Variants in RBX1 observed in about 807,000 individuals in gnomAD.
RBX1 encodes the protein ring-box 1.
For synonymous variants in RBX1, 48 were observed against 47.9 expected, an observed-to-expected ratio of 1.00 and a Z score of -0.01; for missense variants, 46 against 141.4, an observed-to-expected ratio of 0.33 and a Z score of 3.42.
chr22:40,961,056 G>A (rs906623297), intron 2 of RBX1, among the ~76,000 whole-genome samples: 1 of 147,404 alleles, frequency 6.8e-6, no homozygotes, highest in South Asian at 2.1e-4. Context: ...GAGCCACCAC[G>A]CCCGGCCGAG....
At chr22:40,972,118 G>A (rs1569046712) in intron 4 of RBX1, among the ~76,000 whole-genome samples, 1 of 152,208 alleles carries the variant, frequency 6.6e-6, no homozygotes, top group Admixed American at 6.6e-5. Flanking sequence ...AGTTCAAACT[G>A]TCTGAGCCCC....
At chr22:40,964,402 C>T (rs1397922387) in intron 3 of RBX1, 1 of 308,106 alleles carries the variant, frequency 3.2e-6, no homozygotes, top group Non-Finnish European at 6.2e-6. Context: ...TCAAAACCTA[C>T]ATGCACCCTT....
intron 2 of RBX1, among the ~76,000 whole-genome samples, chr22:40,954,449 T>G (rs1020177381): frequency 1.3e-5 from 2 of 152,144 alleles, no homozygotes; most frequent in African/African-American, 4.8e-5. Flanking sequence ...TCTCCACATA[T>G]TTTATTACAT....
chr22:40,953,689 A>G, intron 2 of RBX1, 56 bp downstream of exon 2: 3 of 1,233,970 alleles, frequency 2.4e-6, no homozygotes, highest in African/African-American at 1.5e-5. Flanking sequence ...GATTGTGGCT[A>G]TCTTGATGTG....
chr22:40,954,823 G>A (rs1476527939), intron 2 of RBX1, among the ~76,000 whole-genome samples: 1 of 151,508 alleles, frequency 6.6e-6, no homozygotes, highest in Non-Finnish European at 1.5e-5. Flanking sequence ...CTGAGATGGA[G>A]TCGCCCAGGT....
At chr22:40,967,924 G>C (rs545954533) in intron 4 of RBX1, 40 bp downstream of exon 4, 59 of 1,404,302 alleles carry the variant, frequency 4.2e-5, no homozygotes, top group Admixed American at 1.2e-4. Flanking sequence ...TTTTTGACTT[G>C]CCTCAGGCTG....
intron 4 of RBX1, among the ~76,000 whole-genome samples, chr22:40,969,017 A>C (rs1450399562): frequency 1.3e-5 from 2 of 151,754 alleles, no homozygotes; most frequent in African/African-American, 4.8e-5. Context: ...TATATTTTTT[A>C]AAAAGTCAGT....
At chr22:40,965,352 G>A (rs1426561718) in intron 3 of RBX1, among the ~76,000 whole-genome samples, 1 of 150,848 alleles carries the variant, frequency 6.6e-6, no homozygotes, top group East Asian at 1.9e-4. Context: ...AGGTGTTACT[G>A]TGTAGATGGT....
chr22:40,972,331 C>G, intron 4 of RBX1, 145 bp from the exon 5 acceptor site: 1 of 606,116 alleles, frequency 1.6e-6, no homozygotes, highest in Non-Finnish European at 3.0e-6. Flanking sequence ...GACAGCCAAG[C>G]TAGTGTCAGT....
chr22:40,951,938 CG>C lies in RBX1; in HGVS notation c.78+463del, dbSNP rs1170841867. On this transcript the variant is annotated intron_variant, in intron 1 of 4. Transcript: ENST00000216225. ...AGGACCCCCCTTGGTGATCTTGCTCCGCCCCTTTTTGAAGCTTGGGGTCCTC... is the reference window on the plus strand; with the variant it reads ...AGGACCCCCCTTGGTGATCTTGCTCCCCCCTTTTTGAAGCTTGGGGTCCTC... Among the ~76,000 whole-genome samples the C allele has an allele frequency of 2.6e-5, 4 of 151,730 alleles. No individual in the cohort carries two copies. In the East Asian group the frequency reaches 7.7e-4, roughly 29 times the overall value.
intron 3 of RBX1, among the ~76,000 whole-genome samples, chr22:40,965,090 G>A (rs1223320822): frequency 6.6e-6 from 1 of 152,156 alleles, no homozygotes; most frequent in Non-Finnish European, 1.5e-5. Context: ...GCATCATGAG[G>A]TCAGCAGATG....
chr22:40,967,628 C>G (rs2058357650), intron 3 of RBX1, 171 bp from the exon 4 acceptor site: 1 of 542,354 alleles, frequency 1.8e-6, no homozygotes. Flanking sequence ...TTGGAAATAC[C>G]CTTGCATCTA....
chr22:40,953,476 C>T, intron 1 of RBX1, 79 bp from the exon 2 acceptor site: 3 of 931,044 alleles, frequency 3.2e-6, no homozygotes, highest in Admixed American at 1.8e-5. Context: ...ATGATAACTG[C>T]AGCTGCAGCC....
At chr22:40,953,511 G>A (rs559599839) in intron 1 of RBX1, 44 bp from the exon 2 acceptor site, 10 of 1,251,384 alleles carry the variant, frequency 8.0e-6, no homozygotes, top group Non-Finnish European at 1.2e-5. Flanking sequence ...GTATGTGTGT[G>A]TGTTACAAGC....
At chr22:40,956,727 TCTTTAC>T (rs1569042814) in intron 2 of RBX1, among the ~76,000 whole-genome samples, 1 of 150,946 alleles carries the variant, frequency 6.6e-6, no homozygotes. Context: ...CGACCTCAAG[TCTTTAC>T]CTTTAAGAAA....
At chr22:40,968,990 A>G (rs1420081066) in intron 4 of RBX1, among the ~76,000 whole-genome samples, 1 of 151,006 alleles carries the variant, frequency 6.6e-6, no homozygotes, top group African/African-American at 2.4e-5. Context: ...ATTTGTTTGC[A>G]TGTTTTTAAC....
At chr22:40,953,447 G>C in intron 1 of RBX1, 108 bp from the exon 2 acceptor site, 1 of 735,580 alleles carries the variant, frequency 1.4e-6, no homozygotes, top group East Asian at 2.7e-5. Flanking sequence ...TTGTTTGGTG[G>C]TTCCCTGTGG....
At chr22:40,955,719 T>C (rs1260542966) in intron 2 of RBX1, among the ~76,000 whole-genome samples, 2 of 152,236 alleles carry the variant, frequency 1.3e-5, no homozygotes, top group African/African-American at 2.4e-5. Flanking sequence ...TCAGATGTTT[T>C]CAACTTGAAA....
intron 3 of RBX1, among the ~76,000 whole-genome samples, chr22:40,964,613 T>G (rs985126782): frequency 1.3e-5 from 2 of 152,248 alleles, no homozygotes; most frequent in African/African-American, 4.8e-5. Context: ...TTTATTGGAC[T>G]GAATGGCCTT....
Sources: allele counts gnomAD v4.1 joint callset (sites outside exome capture counted in the v4.1 genomes callset), GRCh38; gene constraint gnomAD v4.1.1; transcripts MANE v1.5; gene names NCBI Gene and HGNC (gene_info 2026-07-23, HGNC 2026-07-21).